Variants in PLCB1 observed in about 807,000 individuals in gnomAD.
The protein encoded by PLCB1 is 1-phosphatidylinositol 4,5-bisphosphate phosphodiesterase beta-1.
A neutral mutation model predicts 161.8 loss-of-function variants in PLCB1; 46 were observed. The observed-to-expected ratio is 0.28, with a 90% CI of 0.22 to 0.36. PLCB1 has a LOEUF of 0.36. Ranked by LOEUF, PLCB1 falls within the 10% of genes least tolerant of loss-of-function variation. PLCB1 has a pLI of 1.00. For synonymous variants in PLCB1, 517 were observed against 503.7 expected (o/e 1.03, Z -0.35); for missense variants, 1,016 against 1,472.5 (o/e 0.69, Z 5.07).
At chr20:8,768,328 A>G (rs1202285570) in intron 26 of PLCB1, among the ~76,000 whole-genome samples, 1 of 151,976 alleles carries the variant, frequency 6.6e-6, no homozygotes, top group Admixed American at 6.6e-5. Flanking sequence ...ATATCACTCC[A>G]GTCTCTACCT....
At chr20:8,762,627 TTAATG>T (rs1367356483) in intron 25 of PLCB1, among the ~76,000 whole-genome samples, 1 of 152,222 alleles carries the variant, frequency 6.6e-6, no homozygotes, top group Non-Finnish European at 1.5e-5. Flanking sequence ...TTATAAATTC[TTAATG>T]TAATAATTTA....
chr20:8,531,588 G>T (rs1984818882), intron 3 of PLCB1, among the ~76,000 whole-genome samples: 1 of 152,052 alleles, frequency 6.6e-6, no homozygotes, highest in Non-Finnish European at 1.5e-5. Context: ...GATATGTAGA[G>T]TTGATAAAAA....
At chr20:8,650,045 C>A (rs6055976) in intron 7 of PLCB1, 38,484 of 151,792 alleles carry the variant, frequency 0.25, 5,214 homozygotes, top group Admixed American at 0.33. Context: ...ATGACCCTTG[C>A]TTTTTGTAGA....
chr20:8,848,004 G>A (rs192650402), intron 31 of PLCB1, among the ~76,000 whole-genome samples: 12 of 152,268 alleles, frequency 7.9e-5, no homozygotes, highest in South Asian at 2.1e-4. Flanking sequence ...GGGGAGGAAC[G>A]CCATGTCCTC....
chr20:8,248,326 T>C (rs921441763), intron 2 of PLCB1, among the ~76,000 whole-genome samples: 1 of 151,784 alleles, frequency 6.6e-6, no homozygotes, highest in African/African-American at 2.4e-5. Context: ...CAGCTCTCCA[T>C]AGTGTTAGGG....
At chr20:8,643,526 A>C (rs990948874) in intron 4 of PLCB1, among the ~76,000 whole-genome samples, 9 of 152,162 alleles carry the variant, frequency 5.9e-5, no homozygotes, top group Non-Finnish European at 1.2e-4. Flanking sequence ...GTTACTGTAC[A>C]CATGACAGCG....
At chr20:8,329,320 CTTTT>C (rs11477930) in intron 2 of PLCB1, among the ~76,000 whole-genome samples, 5 of 139,474 alleles carry the variant, frequency 3.6e-5, no homozygotes, top group Admixed American at 7.2e-5. Flanking sequence ...AAAATAAATA[CTTTT>C]TTTTTTTTTT....
chr20:8,565,503 T>C (rs1371622031), intron 3 of PLCB1, among the ~76,000 whole-genome samples: 3 of 151,362 alleles, frequency 2.0e-5, no homozygotes, highest in African/African-American at 4.8e-5. Context: ...TAATAAACTT[T>C]ATTATACTTT....
chr20:8,202,522 T>C (rs907500790), intron 2 of PLCB1, among the ~76,000 whole-genome samples: 1 of 152,260 alleles, frequency 6.6e-6, no homozygotes, highest in African/African-American at 2.4e-5. Context: ...GTGATATCTA[T>C]CTTTCTGTGG....
chr20:8,821,501 GTATATATATATATATATATA>G (rs552044656), intron 31 of PLCB1, among the ~76,000 whole-genome samples: 4,181 of 42,380 alleles, frequency 0.099, 1,215 homozygotes, highest in Middle Eastern at 0.26. Flanking sequence ...AAAAAAATAT[GTATATATATATATATATATA>G]TATATATATA....
At chr20:8,877,022 C>A (rs1987805145) in intron 31 of PLCB1, among the ~76,000 whole-genome samples, 1 of 151,302 alleles carries the variant, frequency 6.6e-6, no homozygotes, top group African/African-American at 2.4e-5. Flanking sequence ...AAAGTCACAC[C>A]ACAAAGGTTA....
chr20:8,253,487 AT>A lies in PLCB1; in HGVS notation c.177+103120del, dbSNP rs559359986. Among the ~76,000 whole-genome samples the A allele has an allele frequency of 1.5e-4, 23 of 152,054 alleles. 1 individual carries two copies. In the East Asian group the frequency reaches 4.3e-3, roughly 28 times the overall value. On this transcript the variant is annotated intron_variant, in intron 2 of 31. Coordinates refer to ENST00000338037, the MANE Select transcript of PLCB1 (RefSeq NM_015192.4). ...TTTGCCACTAGGTCTGAGAATCACC[AT>A]TTTCGACAAACCATGATTTATTGCC...
At chr20:8,445,745 C>G (rs1385229766) in intron 3 of PLCB1, among the ~76,000 whole-genome samples, 1 of 151,764 alleles carries the variant, frequency 6.6e-6, no homozygotes, top group Non-Finnish European at 1.5e-5. Flanking sequence ...TCTAGTTCTC[C>G]TTGAAGAGGT....
intron 27 of PLCB1, among the ~76,000 whole-genome samples, chr20:8,779,561 T>A (rs1329558988): frequency 7.5e-6 from 1 of 133,770 alleles, no homozygotes; most frequent in African/African-American, 2.7e-5. Context: ...GAGCTCTACA[T>A]CTAAATAACT....
At chr20:8,818,558 G>T (rs1280423761) in intron 31 of PLCB1, among the ~76,000 whole-genome samples, 2 of 152,088 alleles carry the variant, frequency 1.3e-5, no homozygotes, top group African/African-American at 2.4e-5. Context: ...TAATGAGTTA[G>T]CAAATATGCT....
intron 14 of PLCB1, among the ~76,000 whole-genome samples, chr20:8,720,175 T>G (rs1281498877): frequency 6.6e-6 from 1 of 152,232 alleles, no homozygotes; most frequent in Non-Finnish European, 1.5e-5. Flanking sequence ...GCAAACCTTG[T>G]CTTCCTTTGC....
In PLCB1 at chr20:8,335,276, C is replaced by G. The variant is rs139072899; in HGVS notation, c.178-36106C>G. Among the ~76,000 whole-genome samples, 911 of 152,208 alleles carry G rather than the reference C, an allele frequency of 6.0e-3. 3 individuals carry two copies. Among genetic ancestry groups the G allele is most frequent in the Non-Finnish European group, 9.9e-3 (674 of 68,012 alleles). On this transcript the variant is annotated intron_variant, in intron 2 of 31. Coordinates refer to ENST00000338037, the MANE Select transcript of PLCB1 (RefSeq NM_015192.4). Reference sequence around the variant, plus strand: ...GGACTTTGTACTCCTGATGTCTCACCCAGCCAGGGCAAAGGGTCAATATCT... The same window carrying G: ...GGACTTTGTACTCCTGATGTCTCACGCAGCCAGGGCAAAGGGTCAATATCT...
intron 2 of PLCB1, among the ~76,000 whole-genome samples, chr20:8,216,680 G>T (rs1252387297): frequency 6.6e-6 from 1 of 152,004 alleles, no homozygotes; most frequent in East Asian, 1.9e-4. Flanking sequence ...CAGAGAAAAG[G>T]CCCCACAAAT....
chr20:8,136,331 TAA>T, intron 1 of PLCB1, among the ~76,000 whole-genome samples: 2 of 152,232 alleles, frequency 1.3e-5, no homozygotes, highest in East Asian at 3.9e-4. Context: ...AACATGTTTT[TAA>T]AAGTTATTGT....
Sources: gnomAD v4.1 joint callset for allele counts (sites outside exome capture counted in the v4.1 genomes callset) on GRCh38, gnomAD v4.1.1 for gene constraint, MANE v1.5 for transcripts, NCBI Gene and HGNC (gene_info 2026-07-23, HGNC 2026-07-21) for gene names.